CCDC91: variants seen among roughly 807,000 people sequenced by gnomAD.
CCDC91 encodes the protein coiled-coil domain-containing protein 91.
Under a neutral mutation model 63.2 loss-of-function variants are expected in CCDC91, and 48 were observed. That is an observed-to-expected ratio of 0.76 (90% confidence interval 0.60 to 0.97). CCDC91 has a LOEUF of 0.97. CCDC91 is among the 50% of genes least tolerant of loss of function. The probability of loss-of-function intolerance (pLI) is 0.00; values close to 1 mark genes in which losing one functional copy is unlikely to be tolerated. For missense variants in CCDC91, 500 were observed against 494.6 expected (o/e 1.01, Z -0.10); for synonymous variants, 167 against 165.8 (o/e 1.01, Z -0.06).
At chr12:28,511,889 A>C (rs1301949062) in intron 12 of CCDC91, among the ~76,000 whole-genome samples, 2 of 151,846 alleles carry the variant, frequency 1.3e-5, no homozygotes, top group Admixed American at 1.3e-4. Flanking sequence ...CCATGAGAAA[A>C]TAATAAAAGG....
intron 8 of CCDC91, among the ~76,000 whole-genome samples, chr12:28,403,658 C>G (rs1592568238): frequency 6.6e-6 from 1 of 152,104 alleles, no homozygotes; most frequent in Non-Finnish European, 1.5e-5. Context: ...TTTGGAGACA[C>G]AAACATTCCA....
chr12:28,304,388 A>AG lies in CCDC91; in HGVS notation c.110-1261_110-1260insG, dbSNP rs1565764705. ...TGAGACTCCGTCTAAAAAAAAAAAA[A>AG]AAAAAAAAAAAAAGAAAAAAAAAAA... is the stretch of plus-strand genomic sequence containing the variant. On this transcript the variant is annotated intron_variant, in intron 3 of 12. Coordinates refer to ENST00000536442, the MANE Select transcript of CCDC91 (RefSeq NM_018318.5). Among the ~76,000 whole-genome samples, 107 of 35,844 alleles carry AG rather than the reference A, an allele frequency of 3.0e-3. 2 individuals are homozygous for AG. Among genetic ancestry groups the AG allele is most frequent in the South Asian group, 8.2e-3 (6 of 734 alleles). The allele number at this position is 35,844 out of a possible 152,430, so 23.5% of individuals were successfully genotyped here.
chr12:28,399,374 G>A (rs1946480707), intron 8 of CCDC91, among the ~76,000 whole-genome samples: 1 of 152,054 alleles, frequency 6.6e-6, no homozygotes, highest in African/African-American at 2.4e-5. Flanking sequence ...TCCTCCCACT[G>A]GGTTTCTCCT....
In CCDC91 at chr12:28,412,193, C is replaced by T. The variant is rs116915124; in HGVS notation, c.762+20782C>T. The stretch of plus-strand genomic sequence containing the variant: ...TTGTGTAAGTACACTCTATGATGTT[C>T]ACACAATGATGAAATTGCCTAATAT... On this transcript the variant is annotated intron_variant, in intron 8 of 12. Coordinates refer to ENST00000536442, the MANE Select transcript of CCDC91 (RefSeq NM_018318.5). Among the ~76,000 whole-genome samples the T allele has an allele frequency of 3.5e-3, 536 of 152,274 alleles. 2 individuals are homozygous for T. Among genetic ancestry groups the T allele is most frequent in the Non-Finnish European group, 5.8e-3 (394 of 68,020 alleles).
chr12:28,395,726 C>A (rs12366617), intron 8 of CCDC91, among the ~76,000 whole-genome samples: 30,717 of 152,074 alleles, frequency 0.2, 4,073 homozygotes, highest in Non-Finnish European at 0.3. Flanking sequence ...AAAACCGAGG[C>A]ATGAATAAAG....
At chr12:28,255,927 C>A (rs865999741) in intron 1 of CCDC91, 1 of 152,018 alleles carries the variant, frequency 6.6e-6, no homozygotes, top group South Asian at 2.1e-4. Flanking sequence ...CTACTTAAAG[C>A]AAATGACCTT....
At chr12:28,440,549 T>C (rs1165347205) in intron 8 of CCDC91, among the ~76,000 whole-genome samples, 9 of 152,262 alleles carry the variant, frequency 5.9e-5, no homozygotes. Context: ...CACAAAGCAA[T>C]AGTCATAAAA....
intron 12 of CCDC91, among the ~76,000 whole-genome samples, chr12:28,526,379 G>A (rs1487443383): frequency 2.0e-5 from 3 of 151,988 alleles, no homozygotes; most frequent in Non-Finnish European, 2.9e-5. Flanking sequence ...GTTTTGCTGG[G>A]TACAAAATTC....
At position 28,450,170 on chromosome 12, in the gene CCDC91, C is replaced by T; in HGVS notation, c.772C>T (p.Leu258Phe). 1 of 1,596,446 alleles carries T rather than the reference C, an allele frequency of 6.3e-7. No homozygotes were observed. The highest frequency in any genetic ancestry group is 1.1e-5 in the South Asian group (1 of 88,734). The change falls in exon 9 of 13, where the codon CTC becomes TTC. Residue 258 changes from leucine (L) to phenylalanine (F), a missense_variant. Coordinates refer to ENST00000536442, the MANE Select transcript of CCDC91 (RefSeq NM_018318.5). ...EELLNAQHQR[L>F]LEMLDTEKEL... ...TTATCATTCCTTGTAGCATCAGAGG[C>T]TCCTTGAAATGCTAGATACAGAGAA...
Position 28,529,921 on chromosome 12 carries a change from A to G in CCDC91, c.1216-19142A>G, listed in dbSNP as rs138888300. ...CAGAGAAGATTTATAACTGCTTGTA[A>G]TTTAGGTGAATATTGATTTACTGCA... On this transcript the variant is annotated intron_variant, in intron 12 of 12. Coordinates refer to ENST00000536442, the MANE Select transcript of CCDC91 (RefSeq NM_018318.5). 3.3e-4 allele frequency among the ~76,000 whole-genome samples: 50 copies of G among 152,292 alleles called. 1 individual carries two copies. In the East Asian group the frequency reaches 9.1e-3, roughly 28 times the overall value.
chr12:28,245,810 G>A (rs941394188), intron 1 of CCDC91, among the ~76,000 whole-genome samples: 2 of 152,118 alleles, frequency 1.3e-5, no homozygotes, highest in Admixed American at 6.5e-5. Context: ...GAAGATTTAT[G>A]GGACCTCTGT....
intron 7 of CCDC91, among the ~76,000 whole-genome samples, chr12:28,375,526 G>A (rs1944892248): frequency 6.6e-6 from 1 of 151,896 alleles, no homozygotes; most frequent in Non-Finnish European, 1.5e-5. Flanking sequence ...TGAAAAGGAC[G>A]TGAAATTTTG....
Position 28,468,918 on chromosome 12 carries a change from G to C in CCDC91, c.1102-15134G>C, listed in dbSNP as rs542476504. 1.3e-3 allele frequency among the ~76,000 whole-genome samples: 192 copies of C among 151,902 alleles called. 1 individual carries two copies. Among genetic ancestry groups the C allele is most frequent in the Non-Finnish European group, 2.0e-3 (137 of 67,866 alleles). Reference sequence around the variant, plus strand: ...CATGATAAAAACCCTTAAAAAACTGGGTATAGTAGGAACATACTTCAATAT... The same window carrying C: ...CATGATAAAAACCCTTAAAAAACTGCGTATAGTAGGAACATACTTCAATAT... On this transcript the variant is annotated intron_variant, in intron 11 of 12. Transcript: ENST00000536442.
intron 1 of CCDC91, among the ~76,000 whole-genome samples, chr12:28,244,494 CTTTTTTTTTTTTTTT>C (rs3064681): frequency 2.1e-4 from 8 of 38,406 alleles, no homozygotes; most frequent in East Asian, 8.5e-4. Flanking sequence ...TAGAAGAAGG[CTTTTTTTTTTTTTTT>C]TTTTTTTTTT....
intron 12 of CCDC91, among the ~76,000 whole-genome samples, chr12:28,528,924 A>T (rs1294969260): frequency 6.6e-6 from 1 of 152,114 alleles, no homozygotes; most frequent in South Asian, 2.1e-4. Flanking sequence ...AAAGAATGAT[A>T]TTTATCTATA....
At chr12:28,324,978 T>C (rs1273571227) in intron 6 of CCDC91, among the ~76,000 whole-genome samples, 3 of 151,924 alleles carry the variant, frequency 2.0e-5, no homozygotes, top group Admixed American at 6.6e-5. Flanking sequence ...GGAAGCATAA[T>C]AATGAAGCAT....
chr12:28,492,011 G>A (rs961797514), intron 12 of CCDC91, among the ~76,000 whole-genome samples: 4 of 151,288 alleles, frequency 2.6e-5, no homozygotes, highest in African/African-American at 4.8e-5. Context: ...TTTGTGAGCC[G>A]TTTATTAAGG....
intron 7 of CCDC91, among the ~76,000 whole-genome samples, chr12:28,373,907 C>T (rs535903750): frequency 1.2e-4 from 19 of 152,220 alleles, no homozygotes; most frequent in South Asian, 2.1e-4. Flanking sequence ...TGGACTTCTC[C>T]GTCCCGCCAC....
chr12:28,381,067 G>A (rs1346057401), intron 7 of CCDC91, among the ~76,000 whole-genome samples: 10 of 152,188 alleles, frequency 6.6e-5, no homozygotes, highest in South Asian at 2.1e-4. Flanking sequence ...AAAGATGATG[G>A]TCTGTAAAAG....
Sources: allele counts gnomAD v4.1 joint callset (sites outside exome capture counted in the v4.1 genomes callset), GRCh38; gene constraint gnomAD v4.1.1; transcripts MANE v1.5; gene names NCBI Gene and HGNC (gene_info 2026-07-23, HGNC 2026-07-21).